Variants in STT3A observed in about 807,000 individuals in gnomAD.
STT3A encodes the protein STT3 oligosaccharyltransferase complex catalytic subunit A.
In STT3A, 34 loss-of-function variants were observed where a neutral mutation model predicts 89.2. The ratio of observed to expected loss-of-function variants is 0.38; its 90% CI spans 0.29 to 0.51. The LOEUF is 0.51. STT3A is among the 20% of genes least tolerant of loss of function. The pLI is 0.89. For synonymous variants in STT3A, 282 were observed against 310.3 expected (o/e 0.91, Z 0.96); for missense variants, 555 against 889.5 (o/e 0.62, Z 4.78).
At position 125,622,289 on chromosome 11, in the gene STT3A, G is replaced by T. The variant is rs1163311436; in HGVS notation, c.*1479G>T. ...CCTTCCAAACCAATTTATATACCAT[G>T]TTCTTCAACTGTGGGTGAGATTTAG... On this transcript the variant is annotated 3_prime_UTR_variant, in exon 18 of 18. Transcript: ENST00000392708. 2.0e-5 allele frequency: 3 copies of T among 152,138 alleles called. No homozygotes were observed. Among genetic ancestry groups the T allele is most frequent in the African/African-American group, 7.2e-5 (3 of 41,436 alleles). The allele number at this position is 152,138 out of a possible 1,614,324, so 9.4% of individuals were successfully genotyped here. A position where few individuals can be genotyped will look rare whatever the true frequency, so the allele number is the denominator to read the frequency against.
Position 125,614,264 on chromosome 11 carries a change from G to C in STT3A, c.1672-60G>C. 6.2e-7 allele frequency: 1 copy of C among 1,612,070 alleles called. No homozygotes were observed. On this transcript the variant is annotated intron_variant, in intron 14 of 17. Coordinates refer to ENST00000392708, the MANE Select transcript of STT3A (RefSeq NM_152713.5). The surrounding 1 kb of genome is among the most constrained non-coding windows in gnomAD (Gnocchi z 4.9). ...ACAAGGTCTAATGGGAAATGTGTCT[G>C]CATGAGGGGATCATATGACTTGGGA... is the stretch of plus-strand genomic sequence containing the variant.
At chr11:125,596,697 C>T (rs2135903250) in intron 2 of STT3A, among the ~76,000 whole-genome samples, 1 of 152,120 alleles carries the variant, frequency 6.6e-6, no homozygotes, top group South Asian at 2.1e-4. Flanking sequence ...TTTTGCTTGC[C>T]ATACCTATTA....
intron 15 of STT3A, among the ~76,000 whole-genome samples, chr11:125,615,320 C>T (rs185703310): frequency 7.0e-4 from 106 of 152,148 alleles, no homozygotes; most frequent in Middle Eastern, 6.8e-3. Context: ...TAGTTCACTG[C>T]CCAAAAATCT....
rs1415467640 is a variant in STT3A at position 125,614,514 on chromosome 11, A to G, written c.1774+88A>G. On this transcript the variant is annotated intron_variant, in intron 15 of 17. Transcript: ENST00000392708. The surrounding 1 kb of genome is among the most constrained non-coding windows in gnomAD (Gnocchi z 4.9). Reference sequence around the variant, plus strand: ...CCTAGTTTTCTGTACTTTTACTAATATTTTACTAAGATATTTTTCTTTCAT... The same window carrying G: ...CCTAGTTTTCTGTACTTTTACTAATGTTTTACTAAGATATTTTTCTTTCAT... 7.9e-7 allele frequency: 1 copy of G among 1,273,158 alleles called. No individual in the cohort carries two copies. The highest frequency in any genetic ancestry group is 1.5e-5 in the African/African-American group (1 of 66,322). The allele number at this position is 1,273,158 out of a possible 1,614,324, so 78.9% of individuals were successfully genotyped here. A position where few individuals can be genotyped will look rare whatever the true frequency, so the allele number is the denominator to read the frequency against.
In STT3A at chr11:125,618,408, G is replaced by A. The variant is rs1252974712; in HGVS notation, c.1810G>A (p.Gly604Arg). The A allele has an allele frequency of 6.2e-7, 1 of 1,613,240 alleles. No individual in the cohort carries two copies. Among genetic ancestry groups the A allele is most frequent in the African/African-American group, 1.3e-5 (1 of 74,660 alleles). ...GTTTCTTTGGATGGTCCGGATTGGA[G>A]GGAGCACAGATACAGGCAAACATAT... ...NKFLWMVRIGGSTDTGKHIKE... is the reference protein window; with the variant it reads ...NKFLWMVRIGRSTDTGKHIKE... Residue 604 changes from glycine (G) to arginine (R), a missense_variant, in exon 16 of 18, where the codon GGG (glycine) becomes AGG (arginine). By Grantham distance (125) the Gly-to-Arg change is moderately radical. Around this residue, in one of 5 missense-constraint regions of STT3A, gnomAD observed 273 missense variants for 449.8 expected, o/e 0.61. Coordinates refer to ENST00000392708, the MANE Select transcript of STT3A (RefSeq NM_152713.5).
intron 8 of STT3A, among the ~76,000 whole-genome samples, chr11:125,607,458 A>G (rs1939872520): frequency 6.6e-6 from 1 of 152,260 alleles, no homozygotes. Context: ...TTACAGGGAA[A>G]GAAATACAGG....
chr11:125,603,003 A>G, intron 5 of STT3A, 55 bp downstream of exon 5: 4 of 1,602,960 alleles, frequency 2.5e-6, no homozygotes, highest in South Asian at 2.2e-5. Flanking sequence ...GAGCCTCTCT[A>G]ATCGATGCTG....
intron 16 of STT3A, among the ~76,000 whole-genome samples, chr11:125,619,123 C>G (rs978969294): frequency 2.6e-5 from 4 of 152,102 alleles, no homozygotes; most frequent in Admixed American, 6.5e-5. Context: ...GATCTTGGCT[C>G]ACTGCAACCT....
chr11:125,592,467 T>C (rs1939329140), upstream of STT3A: 2 of 456,182 alleles, frequency 4.4e-6, no homozygotes, highest in African/African-American at 4.0e-5. Flanking sequence ...TTACTGGGAC[T>C]TGGAGCAAGG....
chr11:125,609,581 T>C lies in STT3A; in HGVS notation c.1109T>C (p.Met370Thr), dbSNP rs1383757003. 2 of 1,611,754 alleles carry C rather than the reference T, an allele frequency of 1.2e-6. No homozygotes were observed. The highest frequency in any genetic ancestry group is 1.7e-5 in the Admixed American group (1 of 59,282). ...TTTGACCTGCAGCTCCTCGTCTTCA[T>C]GTTTCCAGGTATGTGGCCTCGTGTT... ...YYFDLQLLVF[M>T]FPVGLYYCFS... The change falls in exon 10 of 18, where the codon ATG (methionine) becomes ACG (threonine). Residue 370 changes from methionine (M) to threonine (T), a missense_variant. Met to Thr is a moderately conservative substitution (Grantham distance 81). Coordinates refer to ENST00000392708, the MANE Select transcript of STT3A (RefSeq NM_152713.5).
chr11:125,604,345 A>C, intron 6 of STT3A, 98 bp downstream of exon 6: 1 of 1,191,268 alleles, frequency 8.4e-7, no homozygotes, highest in Non-Finnish European at 1.2e-6. Context: ...AAAAATGGTA[A>C]CTGGGTGAGA....
chr11:125,592,152 G>C (rs561493624), upstream of STT3A, among the ~76,000 whole-genome samples: 6 of 152,274 alleles, frequency 3.9e-5, no homozygotes, highest in Non-Finnish European at 7.4e-5. Flanking sequence ...GTCTCAGCTG[G>C]CAGTAGAAAT....
At chr11:125,598,173 C>T (rs1939553431) in intron 3 of STT3A, among the ~76,000 whole-genome samples, 1 of 152,006 alleles carries the variant, frequency 6.6e-6, no homozygotes, top group Non-Finnish European at 1.5e-5. Flanking sequence ...GATCATGCCA[C>T]TGCACTCCTG....
intron 6 of STT3A, among the ~76,000 whole-genome samples, chr11:125,604,962 C>T (rs1274379358): frequency 3.9e-5 from 6 of 152,008 alleles, no homozygotes; most frequent in Non-Finnish European, 1.5e-5. Flanking sequence ...ATTAGCTGGG[C>T]ATGGTAGTGT....
intron 6 of STT3A, 116 bp from the exon 7 acceptor site, chr11:125,605,513 G>T: frequency 1.6e-6 from 1 of 628,070 alleles, no homozygotes; most frequent in Non-Finnish European, 2.8e-6. Context: ...TAAATAATTT[G>T]CCTAAAATTA....
chr11:125,611,863 A>ATTTTTTTTTT lies in STT3A; in HGVS notation c.1209+366_1209+375dup, dbSNP rs59685125. ...CTAGATTGTTAGAGGAGGGATTTGA[A>ATTTTTTTTTT]TTTTTTTTTTTTTTTTTTTTTTTTT... On this transcript the variant is annotated intron_variant, in intron 11 of 17. Coordinates refer to ENST00000392708, the MANE Select transcript of STT3A (RefSeq NM_152713.5). Among the ~76,000 whole-genome samples the ATTTTTTTTTT allele has an allele frequency of 3.0e-4, 17 of 56,972 alleles. 4 individuals are homozygous for ATTTTTTTTTT. Among genetic ancestry groups the ATTTTTTTTTT allele is most frequent in the African/African-American group, 3.3e-4 (5 of 15,038 alleles). 37.4% of individuals were successfully genotyped at this position (56,972 alleles called of 152,430 possible). A position where few individuals can be genotyped will look rare whatever the true frequency, so the allele number is the denominator to read the frequency against.
intron 10 of STT3A, 73 bp downstream of exon 10, chr11:125,609,662 C>G: frequency 1.3e-6 from 2 of 1,543,420 alleles, no homozygotes; most frequent in Non-Finnish European, 1.7e-6. Flanking sequence ...GCAAGCTACC[C>G]TCATTCGTGT....
intron 17 of STT3A, 75 bp downstream of exon 17, chr11:125,620,201 A>C (rs1246780883): frequency 8.4e-7 from 1 of 1,188,880 alleles, no homozygotes; most frequent in Non-Finnish European, 1.2e-6. Context: ...AAAATGGGAC[A>C]TATATTTCTC....
chr11:125,596,532 T>C (rs1209403734), intron 2 of STT3A, among the ~76,000 whole-genome samples: 1 of 152,244 alleles, frequency 6.6e-6, no homozygotes, highest in Non-Finnish European at 1.5e-5. Context: ...TGTTTTCTCA[T>C]AGGGTTGAAA....
Sources: allele counts gnomAD v4.1 joint callset (sites outside exome capture counted in the v4.1 genomes callset), GRCh38; gene constraint gnomAD v4.1.1; regional missense constraint gnomAD v4.1.1; non-coding constraint Gnocchi (gnomAD v3.1); transcripts MANE v1.5; gene names NCBI Gene and HGNC (gene_info 2026-07-23, HGNC 2026-07-21).